Variants in NIPAL2 observed in about 807,000 individuals in gnomAD.
NIPAL2 encodes NIPA-like protein 2.
In NIPAL2, 43 loss-of-function variants were observed where a neutral mutation model predicts 48.9. That is an observed-to-expected ratio of 0.88 (90% CI 0.69 to 1.13). NIPAL2 has a LOEUF of 1.13. Ranked by LOEUF, NIPAL2 falls within the 50% of genes most tolerant of loss-of-function variation. The pLI is 0.00. For missense variants in NIPAL2, 446 were observed against 461.4 expected (o/e 0.97, Z 0.31); for synonymous variants, 167 against 174.6 (o/e 0.96, Z 0.34).
chr8:98,211,432 G>A (rs758554825), intron 6 of NIPAL2, among the ~76,000 whole-genome samples: 1 of 152,126 alleles, frequency 6.6e-6, no homozygotes, highest in Non-Finnish European at 1.5e-5. Flanking sequence ...ATAGCACAGA[G>A]TACATCTGTT....
chr8:98,269,516 C>A (rs1220690710), intron 1 of NIPAL2, among the ~76,000 whole-genome samples: 6 of 152,154 alleles, frequency 3.9e-5, no homozygotes, highest in Non-Finnish European at 7.4e-5. Context: ...ATGTCTTTTT[C>A]TGAGCAGTAG....
intron 4 of NIPAL2, among the ~76,000 whole-genome samples, chr8:98,228,025 G>A (rs544932872): frequency 6.6e-6 from 1 of 152,336 alleles, no homozygotes; most frequent in South Asian, 2.1e-4. Context: ...GCAGCATTGA[G>A]TTCCAGTGCA....
rs573452512 is a variant in NIPAL2 at position 98,240,334 on chromosome 8, T to C, written c.377-4120A>G. 4.9e-4 allele frequency among the ~76,000 whole-genome samples: 74 copies of C among 152,234 alleles called. 1 individual carries two copies. In the South Asian group the frequency reaches 0.014, roughly 28 times the overall value. On this transcript the variant is annotated intron_variant, in intron 3 of 10. Coordinates refer to ENST00000430223, the MANE Select transcript of NIPAL2 (RefSeq NM_001321635.2). ...AGTACTTTTTCGGGGGGAAAACTGATGTAAGAAAAACCAGGAGGAAGATGC... is the reference window on the plus strand; with the variant it reads ...AGTACTTTTTCGGGGGGAAAACTGACGTAAGAAAAACCAGGAGGAAGATGC...
intron 1 of NIPAL2, among the ~76,000 whole-genome samples, chr8:98,278,206 A>G (rs1243019356): frequency 6.6e-6 from 1 of 151,428 alleles, no homozygotes; most frequent in African/African-American, 2.4e-5. Context: ...TGCTTTTAAG[A>G]TTTTCTTTAT....
chr8:98,286,943 G>T (rs1816212125), intron 1 of NIPAL2, among the ~76,000 whole-genome samples: 1 of 152,110 alleles, frequency 6.6e-6, no homozygotes, highest in African/African-American at 2.4e-5. Context: ...GCAGTAGAGT[G>T]CTATCTGTCA....
At chr8:98,257,866 C>G (rs73283791) in intron 1 of NIPAL2, among the ~76,000 whole-genome samples, 1 of 151,898 alleles carries the variant, frequency 6.6e-6, no homozygotes, top group Non-Finnish European at 1.5e-5. Flanking sequence ...GACCTGGAAG[C>G]CCCCACTTCC....
chr8:98,267,736 T>C (rs1050320053), intron 1 of NIPAL2, among the ~76,000 whole-genome samples: 13 of 152,218 alleles, frequency 8.5e-5, no homozygotes, highest in Non-Finnish European at 1.5e-4. Flanking sequence ...TTCTTACCAT[T>C]TCCCCATAAG....
chr8:98,202,637 G>A (rs550772407), intron 8 of NIPAL2, among the ~76,000 whole-genome samples: 22 of 152,234 alleles, frequency 1.4e-4, no homozygotes, highest in African/African-American at 5.3e-4. Flanking sequence ...AGCTTCCTGA[G>A]GTCCTGACAA....
intron 6 of NIPAL2, among the ~76,000 whole-genome samples, chr8:98,211,214 A>G (rs753757869): frequency 2.0e-5 from 3 of 152,094 alleles, no homozygotes; most frequent in Non-Finnish European, 4.4e-5. Flanking sequence ...AACGTATTCC[A>G]TTTACATTTA....
At chr8:98,270,935 A>G (rs1815086770) in intron 1 of NIPAL2, among the ~76,000 whole-genome samples, 2 of 152,328 alleles carry the variant, frequency 1.3e-5, no homozygotes, top group South Asian at 4.1e-4. Context: ...CAGTTTTTCC[A>G]GAACCATTTA....
rs1161835369 is a variant in NIPAL2, at chr8:98,193,074, G to C, written c.1056C>G (p.Asp352Glu). 1.2e-6 allele frequency: 2 copies of C among 1,613,198 alleles called. No individual in the cohort carries two copies. Among genetic ancestry groups the C allele is most frequent in the Admixed American group, 1.7e-5 (1 of 59,998 alleles). ...FGNIPGKQMLDKIQPDSHSLS... is the reference protein window; with the variant it reads ...FGNIPGKQMLEKIQPDSHSLS... ...AGCTATGTGAATCTGGTTGTATTTTGTCCAACATTTGTTTCCCTGTGGAGA... is the reference window on the plus strand; with the variant it reads ...AGCTATGTGAATCTGGTTGTATTTTCTCCAACATTTGTTTCCCTGTGGAGA... The change falls in exon 11 of 11, where the codon GAC (aspartate) becomes GAG (glutamate). Residue 352 changes from aspartate to glutamate, a missense_variant. Transcript: ENST00000430223.
chr8:98,274,613 T>C (rs1815353031), intron 1 of NIPAL2, among the ~76,000 whole-genome samples: 1 of 152,050 alleles, frequency 6.6e-6, no homozygotes, highest in African/African-American at 2.4e-5. Context: ...ATATAATCAC[T>C]CTTTTGATAT....
At chr8:98,224,755 CTT>C (rs371936351) in intron 4 of NIPAL2, among the ~76,000 whole-genome samples, 2 of 123,764 alleles carry the variant, frequency 1.6e-5, no homozygotes, top group Non-Finnish European at 3.3e-5. Flanking sequence ...TCTTTCTTTT[CTT>C]TTTTTTTTTT....
At chr8:98,196,643 C>A (rs1171014180) in intron 8 of NIPAL2, among the ~76,000 whole-genome samples, 1 of 152,252 alleles carries the variant, frequency 6.6e-6, no homozygotes, top group Non-Finnish European at 1.5e-5. Flanking sequence ...CCGTCTTGGT[C>A]TCAATGATTT....
chr8:98,193,356 CT>C (rs752238158), intron 10 of NIPAL2: 1 of 1,613,520 alleles, frequency 6.2e-7, no homozygotes, highest in Non-Finnish European at 8.5e-7. Flanking sequence ...TGGGTTTAGT[CT>C]GGAGATTCAC....
At chr8:98,260,431 C>T (rs569719878) in intron 1 of NIPAL2, among the ~76,000 whole-genome samples, 1 of 152,288 alleles carries the variant, frequency 6.6e-6, no homozygotes, top group African/African-American at 2.4e-5. Flanking sequence ...GCACCGTGTG[C>T]GAGCCGAAGC....
intron 4 of NIPAL2, among the ~76,000 whole-genome samples, chr8:98,231,606 C>CT (rs1010255375): frequency 1.1e-4 from 16 of 152,038 alleles, no homozygotes; most frequent in African/African-American, 3.4e-4. Context: ...AAATCTGGTG[C>CT]TTTTTTTAAA....
chr8:98,194,096 A>G (rs922178087), intron 10 of NIPAL2, among the ~76,000 whole-genome samples: 1 of 152,178 alleles, frequency 6.6e-6, no homozygotes, highest in African/African-American at 2.4e-5. Flanking sequence ...GTCCCCCTAC[A>G]TCCCCAGTAA....
intron 3 of NIPAL2, among the ~76,000 whole-genome samples, chr8:98,245,740 A>G (rs1229508379): frequency 6.6e-6 from 1 of 152,242 alleles, no homozygotes; most frequent in Non-Finnish European, 1.5e-5. Context: ...TGCTGAAAAA[A>G]TAAGGATGAG....
Sources: gnomAD v4.1 joint callset for allele counts (sites outside exome capture counted in the v4.1 genomes callset) on GRCh38, gnomAD v4.1.1 for gene constraint, MANE v1.5 for transcripts, NCBI Gene and HGNC (gene_info 2026-07-23, HGNC 2026-07-21) for gene names.